NRXN3: variants seen among roughly 807,000 people sequenced by gnomAD.
NRXN3 encodes neurexin 3.
In NRXN3, 32 loss-of-function variants were observed where a neutral mutation model predicts 137.6. The ratio of observed to expected loss-of-function variants is 0.23; its 90% CI spans 0.18 to 0.31. The LOEUF is 0.31. NRXN3 is among the 10% of genes least tolerant of loss of function. The pLI is 1.00. For missense variants in NRXN3, 1,574 were observed against 2,062.5 expected (o/e 0.76, Z 4.59); for synonymous variants, 798 against 784.5 (o/e 1.02, Z -0.29).
intron 10 of NRXN3, among the ~76,000 whole-genome samples, chr14:78,898,212 G>T (rs2099184086): frequency 6.6e-6 from 1 of 151,940 alleles, no homozygotes; most frequent in Non-Finnish European, 1.5e-5. Context: ...GTCCATAGAA[G>T]TTAAACTTCC....
intron 6 of NRXN3, among the ~76,000 whole-genome samples, chr14:78,680,323 C>T (rs966367262): frequency 6.6e-6 from 1 of 152,108 alleles, no homozygotes; most frequent in African/African-American, 2.4e-5. Context: ...AACAAATCCC[C>T]ATGACACAAG....
chr14:78,465,321 A>G (rs2095065688), intron 4 of NRXN3, among the ~76,000 whole-genome samples: 1 of 152,210 alleles, frequency 6.6e-6, no homozygotes, highest in Non-Finnish European at 1.5e-5. Context: ...TGGAAACCAG[A>G]TGGATTGGAA....
chr14:78,483,022 C>T (rs1242101784), intron 4 of NRXN3, among the ~76,000 whole-genome samples: 1 of 152,172 alleles, frequency 6.6e-6, no homozygotes, highest in African/African-American at 2.4e-5. Context: ...CTCATTTCCC[C>T]ACTAGATTGT....
intron 4 of NRXN3, among the ~76,000 whole-genome samples, chr14:78,624,532 C>A (rs1262013151): frequency 6.6e-6 from 1 of 152,180 alleles, no homozygotes; most frequent in Non-Finnish European, 1.5e-5. Flanking sequence ...GGTGCTGGAT[C>A]CTGCACAGTG....
At chr14:79,472,541 C>G (rs2096523458) in intron 16 of NRXN3, among the ~76,000 whole-genome samples, 1 of 152,142 alleles carries the variant, frequency 6.6e-6, no homozygotes, top group Non-Finnish European at 1.5e-5. Context: ...TTGAAAAAGG[C>G]AAAGAGATCT....
intron 10 of NRXN3, among the ~76,000 whole-genome samples, chr14:78,886,282 A>G (rs1474039894): frequency 1.3e-5 from 2 of 152,124 alleles, no homozygotes; most frequent in Non-Finnish European, 2.9e-5. Context: ...GAAGCAATCA[A>G]ATAAAAAGAA....
At chr14:78,198,206 C>T (rs745823592) in intron 1 of NRXN3, among the ~76,000 whole-genome samples, 1 of 152,230 alleles carries the variant, frequency 6.6e-6, no homozygotes, top group African/African-American at 2.4e-5. Context: ...GCCACAACCT[C>T]TTCTGAGAGA....
At chr14:78,233,055 G>C (rs2153440066) in intron 1 of NRXN3, among the ~76,000 whole-genome samples, 1 of 152,308 alleles carries the variant, frequency 6.6e-6, no homozygotes, top group South Asian at 2.1e-4. Flanking sequence ...GCTACCTTGG[G>C]GATGGAGTAT....
rs143609561 is a variant in NRXN3, at chr14:79,793,091, A to G, written c.4015-12021A>G. On this transcript the variant is annotated intron_variant, in intron 19 of 20. Coordinates refer to ENST00000335750, the MANE Select transcript of NRXN3 (RefSeq NM_001330195.2). ...AAAAGAGCCACACCAATACAGGAAT[A>G]CTAGTGCTGTTTCCTCCTGGTACCT... 1.1e-3 allele frequency among the ~76,000 whole-genome samples: 163 copies of G among 152,226 alleles called. 2 individuals are homozygous for G. Among genetic ancestry groups the G allele is most frequent in the African/African-American group, 1.7e-3 (70 of 41,544 alleles).
intron 8 of NRXN3, among the ~76,000 whole-genome samples, chr14:78,780,020 A>G (rs2098763190): frequency 6.6e-6 from 1 of 152,160 alleles, no homozygotes; most frequent in Non-Finnish European, 1.5e-5. Context: ...GGGGTGGGGA[A>G]AAACCCAAGA....
chr14:78,677,792 T>C (rs1355548681), intron 6 of NRXN3, among the ~76,000 whole-genome samples: 3 of 152,128 alleles, frequency 2.0e-5, no homozygotes, highest in Non-Finnish European at 4.4e-5. Flanking sequence ...TTTTAGGAAA[T>C]TGCACAGCCA....
Position 79,868,017 on chromosome 14 carries a change from G to A in NRXN3, c.*6053G>A, listed in dbSNP as rs1175198941. ...GAGTCAAAATGCCATGGCTCATCTG[G>A]TACTGTAACTTAAGATAAACTGCTT... is the stretch of plus-strand genomic sequence containing the variant. On this transcript the variant is annotated 3_prime_UTR_variant, in exon 21 of 21. Transcript: ENST00000335750. 1 of 151,730 alleles carries A rather than the reference G, an allele frequency of 6.6e-6. No homozygotes were observed. The highest frequency in any genetic ancestry group is 2.4e-5 in the African/African-American group (1 of 41,246). 9.4% of individuals were successfully genotyped at this position (151,730 alleles called of 1,614,324 possible).
chr14:78,235,022 A>ATATATATATATATATATATATATG (rs1367992560), intron 1 of NRXN3, among the ~76,000 whole-genome samples: 2 of 58,084 alleles, frequency 3.4e-5, no homozygotes, highest in African/African-American at 6.1e-5. Flanking sequence ...ATATATATAT[A>ATATATATATATATATATATATATG]TGTGTATATA....
intron 1 of NRXN3, among the ~76,000 whole-genome samples, chr14:78,223,151 C>G (rs1596067417): frequency 6.6e-6 from 1 of 152,170 alleles, no homozygotes; most frequent in East Asian, 1.9e-4. Context: ...AATGCAGAGT[C>G]ACGTGAAAAT....
chr14:78,888,848 TACACAC>T (rs59053009), intron 10 of NRXN3, among the ~76,000 whole-genome samples: 1 of 146,314 alleles, frequency 6.8e-6, no homozygotes, highest in Non-Finnish European at 1.5e-5. Flanking sequence ...ATCACACACA[TACACAC>T]ACACACACAC....
chr14:79,069,868 C>T (rs953208528), intron 15 of NRXN3, among the ~76,000 whole-genome samples: 2 of 152,102 alleles, frequency 1.3e-5, no homozygotes, highest in Non-Finnish European at 2.9e-5. Flanking sequence ...TTATCAGGAC[C>T]TCTTCTGTAC....
chr14:78,495,529 AG>A (rs1447799224), intron 4 of NRXN3, among the ~76,000 whole-genome samples: 6 of 152,186 alleles, frequency 3.9e-5, no homozygotes, highest in Non-Finnish European at 8.8e-5. Flanking sequence ...AGTGAGTAAC[AG>A]AACAATGTTT....
chr14:78,415,255 A>G (rs765501050), intron 4 of NRXN3, among the ~76,000 whole-genome samples: 5 of 152,220 alleles, frequency 3.3e-5, no homozygotes, highest in Non-Finnish European at 7.4e-5. Flanking sequence ...CAAAATGCCT[A>G]TCATGTAAAA....
At chr14:78,961,774 A>G (rs1174248278) in intron 11 of NRXN3, among the ~76,000 whole-genome samples, 1 of 152,208 alleles carries the variant, frequency 6.6e-6, no homozygotes, top group African/African-American at 2.4e-5. Flanking sequence ...ATGCTCATCC[A>G]CTATATGCTA....
Sources: gnomAD v4.1 joint callset for allele counts (sites outside exome capture counted in the v4.1 genomes callset) on GRCh38, gnomAD v4.1.1 for gene constraint, MANE v1.5 for transcripts, NCBI Gene and HGNC (gene_info 2026-07-23, HGNC 2026-07-21) for gene names.